The following PIK3C3 variants were observed in gnomAD, a reference collection of about 807,000 sequenced individuals.
PIK3C3 encodes phosphatidylinositol 3-kinase catalytic subunit type 3, also known as PI3-kinase type 3.
Under a neutral mutation model 126.1 loss-of-function variants are expected in PIK3C3, and 95 were observed. That is an observed-to-expected ratio of 0.75 (90% confidence interval 0.64 to 0.89). The LOEUF is 0.89. Ranked by LOEUF, PIK3C3 falls within the 40% of genes least tolerant of loss-of-function variation. The pLI is 0.00. For synonymous variants in PIK3C3, 374 were observed against 360.0 expected (o/e 1.04, Z -0.44); for missense variants, 829 against 1,063.2 (o/e 0.78, Z 3.06).
intron 15 of PIK3C3, among the ~76,000 whole-genome samples, 193 bp from the exon 16 acceptor site, chr18:42,033,633 A>G (rs1346001224): frequency 1.3e-5 from 2 of 152,358 alleles, no homozygotes; most frequent in East Asian, 3.9e-4. Flanking sequence ...TGTTTGGTTT[A>G]AAGCATGCTG....
At chr18:41,961,068 C>T (rs1385274444) in intron 2 of PIK3C3, among the ~76,000 whole-genome samples, 2 of 152,010 alleles carry the variant, frequency 1.3e-5, no homozygotes, top group Non-Finnish European at 2.9e-5. Flanking sequence ...ATATTAAGTG[C>T]AGTTGCTTTG....
chr18:41,971,318 G>T (rs1383723321), intron 4 of PIK3C3: 1 of 151,994 alleles, frequency 6.6e-6, no homozygotes, highest in Non-Finnish European at 1.5e-5. Flanking sequence ...TTAACAGCTT[G>T]TTGCCTTTAC....
At position 41,955,255 on chromosome 18, in the gene PIK3C3, A is replaced by C. The variant is rs748413064; in HGVS notation, c.-37A>C. 4 of 1,578,118 alleles carry C rather than the reference A, an allele frequency of 2.5e-6. No homozygotes were observed. In the African/African-American group the frequency reaches 4.1e-5, roughly 16 times the overall value. On this transcript the variant is annotated 5_prime_UTR_variant, in exon 1 of 25. Coordinates refer to ENST00000262039, the MANE Select transcript of PIK3C3 (RefSeq NM_002647.4). ...ATTTATGTTGTTTTTCCTGTACCTA[A>C]GTTCCCGCTGTAGGTGGTACCTTTG...
At chr18:42,015,345 G>A in intron 11 of PIK3C3, 131 bp from the exon 12 acceptor site, 1 of 671,620 alleles carries the variant, frequency 1.5e-6, no homozygotes, top group Non-Finnish European at 2.6e-6. Flanking sequence ...CTCTAGTGTT[G>A]CACAGAACAC....
At chr18:42,001,995 A>T (rs927212234) in intron 9 of PIK3C3, among the ~76,000 whole-genome samples, 1 of 152,222 alleles carries the variant, frequency 6.6e-6, no homozygotes, top group African/African-American at 2.4e-5. Flanking sequence ...AATGGTGTGC[A>T]GGAGGTGTAG....
At chr18:42,009,689 TG>T (rs1982720778) in intron 10 of PIK3C3, among the ~76,000 whole-genome samples, 1 of 146,560 alleles carries the variant, frequency 6.8e-6, no homozygotes, top group African/African-American at 2.6e-5. Context: ...CATTATGTAA[TG>T]TACATTATGT....
At chr18:42,038,150 A>C (rs1274314075) in intron 17 of PIK3C3, among the ~76,000 whole-genome samples, 1 of 152,066 alleles carries the variant, frequency 6.6e-6, no homozygotes, top group East Asian at 1.9e-4. Context: ...CCTGGCATTA[A>C]AAAGTACATG....
At position 41,988,601 on chromosome 18, in the gene PIK3C3, C is replaced by A. The variant is rs537071005; in HGVS notation, c.618+703C>A. 7.9e-5 allele frequency among the ~76,000 whole-genome samples: 12 copies of A among 152,192 alleles called. No homozygotes were observed. The East Asian group carries it at 2.1e-3, about 27-fold the overall frequency. On this transcript the variant is annotated intron_variant, in intron 5 of 24. Coordinates refer to ENST00000262039, the MANE Select transcript of PIK3C3 (RefSeq NM_002647.4). ...AATTTATAATGACCATAAGGCACAA[C>A]TTACTTAATTTATATTCTCCAAATA...
chr18:42,081,952 A>G lies in PIK3C3; in HGVS notation c.*815A>G, dbSNP rs1414484209. The G allele has an allele frequency of 1.3e-5, 2 of 152,164 alleles. No homozygotes were observed. The highest frequency in any genetic ancestry group is 6.6e-5 in the Admixed American group (1 of 15,260). 9.4% of individuals were successfully genotyped at this position (152,164 alleles called of 1,614,324 possible). On this transcript the variant is annotated 3_prime_UTR_variant, in exon 25 of 25. Coordinates refer to ENST00000262039, the MANE Select transcript of PIK3C3 (RefSeq NM_002647.4). ...TTTTTGGATGCAAATTTAGATTTCA[A>G]AAGCTTTTTGATGTTATAAAGGAGT...
chr18:42,061,138 G>A (rs183156514), intron 22 of PIK3C3, among the ~76,000 whole-genome samples: 103 of 152,314 alleles, frequency 6.8e-4, no homozygotes, highest in Non-Finnish European at 3.5e-4. Flanking sequence ...AAGAGAAAGA[G>A]TGCAGTTTCC....
chr18:42,011,578 A>C (rs1039744915), intron 10 of PIK3C3, among the ~76,000 whole-genome samples: 1 of 152,158 alleles, frequency 6.6e-6, no homozygotes, highest in Non-Finnish European at 1.5e-5. Flanking sequence ...CAGACCACCA[A>C]AACTTCTATA....
At chr18:41,995,234 T>TA (rs1981969803) in intron 7 of PIK3C3, among the ~76,000 whole-genome samples, 1 of 151,946 alleles carries the variant, frequency 6.6e-6, no homozygotes, top group Non-Finnish European at 1.5e-5. Context: ...ACATTACAGA[T>TA]ATATTAAGGC....
At chr18:42,077,957 G>C (rs189849367) in intron 24 of PIK3C3, among the ~76,000 whole-genome samples, 1 of 152,298 alleles carries the variant, frequency 6.6e-6, no homozygotes, top group Admixed American at 6.5e-5. Flanking sequence ...TGAATTAGCA[G>C]GCATTAAAAC....
At chr18:41,957,265 G>A (rs1979827338) in intron 1 of PIK3C3, among the ~76,000 whole-genome samples, 1 of 152,192 alleles carries the variant, frequency 6.6e-6, no homozygotes, top group Non-Finnish European at 1.5e-5. Context: ...CCAGAGGGTA[G>A]ATCAAGGGTC....
chr18:42,069,509 A>G lies in PIK3C3; in HGVS notation c.2649+1996A>G, dbSNP rs149752108. On this transcript the variant is annotated intron_variant, in intron 24 of 24. Transcript: ENST00000262039. ...TCATCACTATACTACATTAGTGTCA[A>G]TCAAACTTTTCCTGGCCACGGCCCA... Among the ~76,000 whole-genome samples the G allele has an allele frequency of 4.7e-3, 718 of 152,334 alleles. 3 individuals are homozygous for G. Among genetic ancestry groups the G allele is most frequent in the Non-Finnish European group, 6.1e-3 (418 of 68,038 alleles).
At chr18:42,058,185 A>G in intron 22 of PIK3C3, 134 bp downstream of exon 22, 2 of 637,324 alleles carry the variant, frequency 3.1e-6, no homozygotes, top group Non-Finnish European at 4.9e-6. Flanking sequence ...AATATTTCCT[A>G]TCTTACATTT....
intron 13 of PIK3C3, among the ~76,000 whole-genome samples, chr18:42,024,681 C>T (rs1057074706): frequency 2.6e-5 from 4 of 152,056 alleles, no homozygotes; most frequent in South Asian, 4.1e-4. Flanking sequence ...GTGATTCACC[C>T]GCCTCGGCCT....
intron 21 of PIK3C3, among the ~76,000 whole-genome samples, chr18:42,054,802 A>T (rs1157963156): frequency 1.3e-5 from 2 of 151,922 alleles, no homozygotes; most frequent in African/African-American, 4.8e-5. Flanking sequence ...CCTCTCTCCT[A>T]GTGGTGCTGT....
intron 10 of PIK3C3, 53 bp downstream of exon 10, chr18:42,004,594 A>T: frequency 7.3e-7 from 1 of 1,367,144 alleles, no homozygotes. Flanking sequence ...ACTAGAGCCT[A>T]ATTATAAACT....
Sources: allele counts gnomAD v4.1 joint callset (sites outside exome capture counted in the v4.1 genomes callset), GRCh38; gene constraint gnomAD v4.1.1; transcripts MANE v1.5; gene names NCBI Gene and HGNC (gene_info 2026-07-23, HGNC 2026-07-21).